The following ADGRG4 variants were observed in gnomAD, a reference collection of about 807,000 sequenced individuals.
ADGRG4 encodes G protein-coupled receptor 112.
A neutral mutation model predicts 126.2 loss-of-function variants in ADGRG4; 122 were observed. The ratio of observed to expected loss-of-function variants is 0.97; its 90% CI spans 0.83 to 1.12. The LOEUF (loss-of-function observed/expected upper bound fraction) is 1.12, where lower values mean the gene tolerates loss of function less well. Among genes scored for constraint, ADGRG4 ranks in the 50% most tolerant of loss-of-function variants. The pLI is 0.00. For missense variants in ADGRG4, 2,481 were observed against 2,251.8 expected (o/e 1.10, Z -2.06); for synonymous variants, 943 against 838.7 (o/e 1.12, Z -2.15).
At chrX:136,387,951 A>C (rs2075300924) in intron 16 of ADGRG4, 77 bp downstream of exon 16, 2 of 950,801 alleles carry the variant, frequency 2.1e-6, no homozygotes, top group Non-Finnish European at 2.9e-6. Context: ...TGCTATTTTC[A>C]TGATGTTCTG....
At position 136,414,325 on chromosome X, in the gene ADGRG4, ATGGT is replaced by A. The variant is rs1166817377; in HGVS notation, c.9204_9205+2del. On this transcript the variant is annotated splice_donor_variant and coding_sequence_variant, in exon 25 of 26. Transcript: ENST00000394143. LOFTEE classifies it high-confidence loss of function. ...ACACCTTCAGAAATAAGCTTTCCAA[ATGGT>A]AAGAAAAAAAGGCTGTGTTGTCTAC... 1 of 1,187,405 alleles carries A rather than the reference ATGGT, an allele frequency of 8.4e-7. No individual in the cohort carries two copies. The highest frequency in any genetic ancestry group is 2.4e-5 in the Admixed American group (1 of 42,396).
Position 136,356,140 on chromosome X carries a change from A to G in ADGRG4, c.6902A>G (p.Glu2301Gly). Reference sequence around the variant, plus strand: ...TTTTGATACAGGGACATTTCAGAGGAAGAGATGGTCATGGATCGAGCTATT... The same window carrying G: ...TTTTGATACAGGGACATTTCAGAGGGAGAGATGGTCATGGATCGAGCTATT... The part of the protein sequence containing the change: ...TQIKSRDISE[E>G]EMVMDRAILE... Residue 2301 changes from glutamate (E) to glycine (G), a missense_variant, in exon 9 of 26, where the codon GAA (glutamate) becomes GGA (glycine). Coordinates refer to ENST00000394143, the MANE Select transcript of ADGRG4 (RefSeq NM_153834.4). 1.7e-6 allele frequency: 2 copies of G among 1,186,402 alleles called. No individual in the cohort carries two copies. The highest frequency in any genetic ancestry group is 5.9e-5 in the East Asian group (2 of 33,676).
chrX:136,380,562 T>C (rs1197847281), intron 15 of ADGRG4, among the ~76,000 whole-genome samples: 3 of 98,188 alleles, frequency 3.1e-5, no homozygotes, highest in African/African-American at 1.1e-4. Flanking sequence ...CTTCTTCTTC[T>C]TCTTCCTCTT....
chrX:136,351,899 A>C (rs184961928), intron 7 of ADGRG4, among the ~76,000 whole-genome samples: 18 of 111,294 alleles, frequency 1.6e-4, no homozygotes, highest in Middle Eastern at 4.6e-3. Context: ...ACTTAAATAC[A>C]ATGGTATTTA....
In ADGRG4 at chrX:136,349,557, C is replaced by T; in HGVS notation, c.5851C>T (p.Leu1951Phe). Residue 1951 changes from leucine to phenylalanine, a missense_variant, in exon 6 of 26, where the codon CTT (leucine) becomes TTT (phenylalanine). By Grantham distance (22) the Leu-to-Phe change is conservative (BLOSUM62 0). Coordinates refer to ENST00000394143, the MANE Select transcript of ADGRG4 (RefSeq NM_153834.4). ...PMSGILPNHG[L>F]SENPSLSTSL... ...GTCAGGAATTCTTCCTAACCATGGG[C>T]TTTCTGAGAACCCTTCATTATCAAC... 1 of 1,209,687 alleles carries T rather than the reference C, an allele frequency of 8.3e-7. No individual in the cohort carries two copies. The highest frequency in any genetic ancestry group is 1.1e-6 in the Non-Finnish European group (1 of 893,999).
At chrX:136,384,468 A>G (rs2148488929) in intron 15 of ADGRG4, among the ~76,000 whole-genome samples, 1 of 111,621 alleles carries the variant, frequency 9.0e-6, no homozygotes, top group Admixed American at 9.5e-5. Flanking sequence ...TTGAGAGAAA[A>G]AATGGTTTTT....
intron 9 of ADGRG4, among the ~76,000 whole-genome samples, chrX:136,357,450 T>TG (rs1475957370): frequency 8.9e-6 from 1 of 112,378 alleles, no homozygotes; most frequent in African/African-American, 3.2e-5. Context: ...TGTGTGATAC[T>TG]GGGCAGACCA....
In ADGRG4 at chrX:136,329,304, A is replaced by G. The variant is rs1293319438; in HGVS notation, c.685+5912A>G. Among the ~76,000 whole-genome samples the G allele has an allele frequency of 2.7e-5, 3 of 112,227 alleles. No homozygotes were observed. The East Asian group carries it at 8.4e-4, about 31-fold the overall frequency. ...TACCTTAGAAAATGTTCTACTTAAC[A>G]TTCTGTTGGCAGGTACATCTGCAAC... On this transcript the variant is annotated intron_variant, in intron 5 of 25. Transcript: ENST00000394143.
At position 136,400,100 on chromosome X, in the gene ADGRG4, T is replaced by G; in HGVS notation, c.8559T>G (p.Phe2853Leu). The change falls in exon 21 of 26, where the codon TTT (phenylalanine) becomes TTG (leucine). Residue 2853 changes from phenylalanine to leucine, a missense_variant. By Grantham distance (22) the Phe-to-Leu change is conservative. Transcript: ENST00000394143. ...NIYIPNYILK[F>L]CLVGWGIPAI... The stretch of plus-strand genomic sequence containing the variant: ...ACATTCCAAATTATATCCTTAAATT[T>G]TGTCTAGTTGGTTGGGGTAAGTATA... 8.4e-7 allele frequency: 1 copy of G among 1,197,047 alleles called. No individual in the cohort carries two copies. Among genetic ancestry groups the G allele is most frequent in the Non-Finnish European group, 1.1e-6 (1 of 882,804 alleles).
chrX:136,371,604 C>T (rs1007358057), intron 14 of ADGRG4, 60 bp downstream of exon 14: 2 of 638,589 alleles, frequency 3.1e-6, no homozygotes, highest in African/African-American at 4.6e-5. Context: ...TGCAGACGGC[C>T]CTCTGTATCT....
chrX:136,353,492 CT>C (rs2075075339), intron 8 of ADGRG4, 91 bp downstream of exon 8: 2 of 614,464 alleles, frequency 3.3e-6, no homozygotes, highest in Non-Finnish European at 5.3e-6. Context: ...ATGTTTATGT[CT>C]GAGATTTAGG....
intron 20 of ADGRG4, among the ~76,000 whole-genome samples, chrX:136,398,960 AC>A (rs1192798664): frequency 5.3e-5 from 6 of 112,615 alleles, no homozygotes; most frequent in African/African-American, 1.9e-4. Context: ...AAAATGAATT[AC>A]TTCTATGCAA....
intron 10 of ADGRG4, among the ~76,000 whole-genome samples, chrX:136,358,801 C>G (rs2075110059): frequency 8.9e-6 from 1 of 112,086 alleles, no homozygotes; most frequent in African/African-American, 3.2e-5. Flanking sequence ...CAAATGTTAG[C>G]TACTATCATT....
intron 15 of ADGRG4, among the ~76,000 whole-genome samples, chrX:136,382,066 T>C (rs647144): frequency 0.38 from 41,914 of 110,325 alleles, 5,987 homozygotes; most frequent in African/African-American, 0.42. Context: ...TACTCTGTAT[T>C]CTTCAATCCA....
Position 136,367,809 on chromosome X carries a change from A to G in ADGRG4, c.7397-3519A>G, listed in dbSNP as rs1482138791. On this transcript the variant is annotated intron_variant, in intron 13 of 25. Coordinates refer to ENST00000394143, the MANE Select transcript of ADGRG4 (RefSeq NM_153834.4). The stretch of plus-strand genomic sequence containing the variant: ...CAAGCATTAGATATCTTGGTTGAAG[A>G]AAAACTCTTCTGCTCTCTCACTTAA... Among the ~76,000 whole-genome samples the G allele has an allele frequency of 3.6e-5, 4 of 112,439 alleles. No homozygotes were observed. The East Asian group carries it at 1.1e-3, about 31-fold the overall frequency.
chrX:136,322,124 C>A (rs752449698), intron 4 of ADGRG4, among the ~76,000 whole-genome samples: 19 of 111,547 alleles, frequency 1.7e-4, no homozygotes, highest in African/African-American at 5.9e-4. Flanking sequence ...CACTGCAGTG[C>A]CCTTGGTGAG....
intron 15 of ADGRG4, among the ~76,000 whole-genome samples, chrX:136,383,997 T>C (rs1356362246): frequency 9.1e-6 from 1 of 109,492 alleles, no homozygotes; most frequent in Non-Finnish European, 1.9e-5. Context: ...GTTCAAGCGA[T>C]TCTCGTGCCT....
chrX:136,304,369 T>A (rs2074720457), intron 2 of ADGRG4, among the ~76,000 whole-genome samples, 162 bp downstream of exon 2: 1 of 112,462 alleles, frequency 8.9e-6, no homozygotes, highest in Non-Finnish European at 1.9e-5. Context: ...ATTCTTACCG[T>A]ACAAAAGCAT....
At chrX:136,362,433 C>T (rs915124429) in intron 12 of ADGRG4, among the ~76,000 whole-genome samples, 2 of 111,329 alleles carry the variant, frequency 1.8e-5, no homozygotes, top group Admixed American at 9.6e-5. Context: ...ATCCCTTACC[C>T]GCCTCCGCCA....
Sources: gnomAD v4.1 joint callset for allele counts (sites outside exome capture counted in the v4.1 genomes callset) on GRCh38, gnomAD v4.1.1 for gene constraint, MANE v1.5 for transcripts, NCBI Gene and HGNC (gene_info 2026-07-23, HGNC 2026-07-21) for gene names.